Variants in ERC2 observed in about 807,000 individuals in gnomAD.
ERC2 encodes the protein ELKS/RAB6-interacting/CAST family member 2.
Under a neutral mutation model 114.8 loss-of-function variants are expected in ERC2, and 42 were observed. The observed-to-expected ratio is 0.37, with a 90% CI of 0.29 to 0.47. The LOEUF is 0.47. Among genes scored for constraint, ERC2 ranks in the 20% least tolerant of loss-of-function variants. ERC2 has a pLI of 0.99. For synonymous variants in ERC2, 454 were observed against 425.5 expected (o/e 1.07, Z -0.82); for missense variants, 939 against 1,150.7 (o/e 0.82, Z 2.66).
At chr3:56,299,187 G>T (rs535086743) in intron 2 of ERC2, among the ~76,000 whole-genome samples, 284 of 148,324 alleles carry the variant, frequency 1.9e-3, no homozygotes, top group African/African-American at 6.6e-3. Context: ...GAGTGCAGTG[G>T]CGCGATCTTG....
At chr3:56,278,230 TAAAATGACCTAGC>T (rs1208874027) in intron 3 of ERC2, among the ~76,000 whole-genome samples, 1 of 152,190 alleles carries the variant, frequency 6.6e-6, no homozygotes, top group African/African-American at 2.4e-5. Flanking sequence ...CAGTATTCAA[TAAAATGACCTAGC>T]AACATCATTA....
At chr3:55,828,447 G>A (rs934291954) in intron 14 of ERC2, among the ~76,000 whole-genome samples, 11 of 152,128 alleles carry the variant, frequency 7.2e-5, no homozygotes, top group East Asian at 3.9e-4. Flanking sequence ...GCCTAAAGGC[G>A]GAGTGTAGCT....
intron 3 of ERC2, among the ~76,000 whole-genome samples, chr3:56,241,828 G>A (rs1560444623): frequency 6.6e-6 from 1 of 152,110 alleles, no homozygotes; most frequent in African/African-American, 2.4e-5. Context: ...GCTAGAGCAG[G>A]GGTCAACTAA....
At chr3:55,839,705 A>C (rs2061047766) in intron 14 of ERC2, among the ~76,000 whole-genome samples, 1 of 151,980 alleles carries the variant, frequency 6.6e-6, no homozygotes, top group African/African-American at 2.4e-5. Context: ...TATGGTGAAT[A>C]AATTGCCAAG....
chr3:55,549,316 C>G (rs1368220616), intron 17 of ERC2, among the ~76,000 whole-genome samples: 1 of 152,042 alleles, frequency 6.6e-6, no homozygotes, highest in East Asian at 1.9e-4. Flanking sequence ...GGGTAGAATA[C>G]CATGTCCTGG....
chr3:55,557,118 GGAGT>G (rs1461359284), intron 17 of ERC2, among the ~76,000 whole-genome samples: 2 of 152,206 alleles, frequency 1.3e-5, no homozygotes, highest in African/African-American at 4.8e-5. Context: ...TGACACACAA[GGAGT>G]GAGAGCCTTC....
chr3:55,626,260 C>T (rs1559762058), intron 17 of ERC2, among the ~76,000 whole-genome samples: 2 of 152,120 alleles, frequency 1.3e-5, no homozygotes, highest in Non-Finnish European at 2.9e-5. Flanking sequence ...ATTTGGAAAA[C>T]AAGTTTTGAA....
chr3:55,888,648 C>T (rs2063467763), intron 13 of ERC2, 99 bp from the exon 14 acceptor site: 2 of 1,445,694 alleles, frequency 1.4e-6, no homozygotes, highest in African/African-American at 2.8e-5. Flanking sequence ...AAAGGAATCA[C>T]AGGGATCCTT....
chr3:56,293,466 C>T (rs1325371604), intron 3 of ERC2, among the ~76,000 whole-genome samples: 3 of 152,180 alleles, frequency 2.0e-5, no homozygotes, highest in African/African-American at 7.2e-5. Flanking sequence ...TTCCAGGCTA[C>T]GTGTGGTTTA....
intron 15 of ERC2, among the ~76,000 whole-genome samples, chr3:55,724,614 C>T (rs2064795541): frequency 6.6e-6 from 1 of 152,166 alleles, no homozygotes; most frequent in African/African-American, 2.4e-5. Context: ...TATTTAAAAT[C>T]CCTAGCCCAA....
At chr3:56,001,029 A>T (rs2072010997) in intron 10 of ERC2, among the ~76,000 whole-genome samples, 1 of 39,440 alleles carries the variant, frequency 2.5e-5, no homozygotes. Context: ...TAATAATGTA[A>T]AAAAAAATAG....
intron 13 of ERC2, among the ~76,000 whole-genome samples, chr3:55,939,785 A>C (rs1055840145): frequency 6.6e-6 from 1 of 152,236 alleles, no homozygotes; most frequent in Non-Finnish European, 1.5e-5. Context: ...AAAGCCACAT[A>C]GTTCCTTCCC....
intron 12 of ERC2, among the ~76,000 whole-genome samples, chr3:55,950,949 T>A (rs1305579064): frequency 6.6e-6 from 1 of 152,174 alleles, no homozygotes; most frequent in Non-Finnish European, 1.5e-5. Flanking sequence ...TGACTTTAGA[T>A]GCTGTGGCCA....
At chr3:55,651,877 T>C (rs1009510975) in intron 17 of ERC2, among the ~76,000 whole-genome samples, 6 of 152,220 alleles carry the variant, frequency 3.9e-5, no homozygotes, top group Admixed American at 3.9e-4. Context: ...TTTCACAGAT[T>C]GCAAAAAAGG....
At chr3:55,855,235 C>A (rs969591622) in intron 14 of ERC2, among the ~76,000 whole-genome samples, 20 of 152,150 alleles carry the variant, frequency 1.3e-4, no homozygotes, top group African/African-American at 4.8e-4. Flanking sequence ...AATCTGCGAT[C>A]CTGAGCCACC....
chr3:55,624,544 G>T (rs6783009), intron 17 of ERC2, among the ~76,000 whole-genome samples: 139 of 152,306 alleles, frequency 9.1e-4, no homozygotes, highest in African/African-American at 2.4e-3. Context: ...GGAAGAACAG[G>T]CTGGCCTTGG....
At chr3:55,655,745 G>T (rs1044300636) in intron 17 of ERC2, among the ~76,000 whole-genome samples, 1 of 152,174 alleles carries the variant, frequency 6.6e-6, no homozygotes, top group Non-Finnish European at 1.5e-5. Context: ...GAACACTCAG[G>T]CCTAGATCAT....
chr3:56,458,649 C>T (rs1419788143), intron 1 of ERC2, among the ~76,000 whole-genome samples: 1 of 152,104 alleles, frequency 6.6e-6, no homozygotes, highest in Admixed American at 6.6e-5. Context: ...CATACGAATG[C>T]CACGCTGTTA....
intron 2 of ERC2, among the ~76,000 whole-genome samples, chr3:56,347,930 A>G (rs904276975): frequency 6.6e-6 from 1 of 152,224 alleles, no homozygotes; most frequent in Non-Finnish European, 1.5e-5. Context: ...TAATTGGTGT[A>G]GCTTCTGTCT....
Sources: allele counts gnomAD v4.1 joint callset (sites outside exome capture counted in the v4.1 genomes callset), GRCh38; gene constraint gnomAD v4.1.1; transcripts MANE v1.5; gene names NCBI Gene and HGNC (gene_info 2026-07-23, HGNC 2026-07-21).